CLDN16: variants seen among roughly 807,000 people sequenced by gnomAD.
The protein encoded by CLDN16 is claudin-16.
Under a neutral mutation model 24.6 loss-of-function variants are expected in CLDN16, and 13 were observed. That is an observed-to-expected ratio of 0.53 (90% CI 0.34 to 0.84). CLDN16 has a LOEUF of 0.84. CLDN16 is among the 40% of genes least tolerant of loss of function. The pLI, the probability that CLDN16 is intolerant of heterozygous loss-of-function variation, is 0.01. For missense variants in CLDN16, 298 were observed against 292.7 expected, an observed-to-expected ratio of 1.02 and a Z score of -0.13; for synonymous variants, 116 against 106.7, an observed-to-expected ratio of 1.09 and a Z score of -0.54.
At chr3:190,363,558 A>ATG (rs1717950176) in intron 1 of CLDN16, among the ~76,000 whole-genome samples, 1 of 75,610 alleles carries the variant, frequency 1.3e-5, no homozygotes, top group African/African-American at 6.0e-5. Flanking sequence ...GTGTGTGTGT[A>ATG]TATATATATA....
intron 1 of CLDN16, among the ~76,000 whole-genome samples, chr3:190,333,277 C>A (rs1717221625): frequency 6.6e-6 from 1 of 152,124 alleles, no homozygotes; most frequent in Admixed American, 6.5e-5. Flanking sequence ...CCACAACTTT[C>A]AGATCAAGGT....
chr3:190,301,735 T>G, the CLDN16 span, among the ~76,000 whole-genome samples: 2 of 152,152 alleles, frequency 1.3e-5, no homozygotes, highest in South Asian at 4.2e-4. Flanking sequence ...GTAAATAATA[T>G]CCAGATTCTA....
chr3:190,381,398 T>C (rs543522883), intron 3 of CLDN16, among the ~76,000 whole-genome samples: 1 of 152,184 alleles, frequency 6.6e-6, no homozygotes, highest in South Asian at 2.1e-4. Context: ...TTCAAATTTA[T>C]CCATGCTCCT....
chr3:190,312,865 C>G, the CLDN16 span: 1 of 1,613,956 alleles, frequency 6.2e-7, no homozygotes, highest in South Asian at 1.1e-5. Flanking sequence ...GGCACAGCCT[C>G]TATTACCTGC....
upstream of CLDN16, among the ~76,000 whole-genome samples, chr3:190,383,182 C>G (rs1354335817): frequency 6.6e-6 from 1 of 151,966 alleles, no homozygotes; most frequent in Non-Finnish European, 1.5e-5. Flanking sequence ...AACAAACAAA[C>G]AAATAAACTT....
chr3:190,371,365 T>C (rs1450257139), intron 2 of CLDN16, among the ~76,000 whole-genome samples: 2 of 151,924 alleles, frequency 1.3e-5, no homozygotes, highest in Admixed American at 1.3e-4. Flanking sequence ...TGATAATTTC[T>C]TTTTAGTTTC....
intron 1 of CLDN16, among the ~76,000 whole-genome samples, chr3:190,400,948 A>G (rs528732504): frequency 2.6e-5 from 4 of 152,328 alleles, no homozygotes; most frequent in African/African-American, 9.6e-5. Flanking sequence ...TCTTGGGGTT[A>G]CTTAACTTTC....
chr3:190,308,140 T>TTTTG, the CLDN16 span: 11 of 1,049,936 alleles, frequency 1.0e-5, no homozygotes, highest in South Asian at 2.6e-5. Context: ...CACATGGGTT[T>TTTTG]TTTGTTTGTT....
At chr3:190,382,844 A>G (rs1399657051) in intron 3 of CLDN16, among the ~76,000 whole-genome samples, 1 of 152,112 alleles carries the variant, frequency 6.6e-6, no homozygotes, top group African/African-American at 2.4e-5. Context: ...GTTGCCAGAT[A>G]GTTGCCGATC....
At chr3:190,336,301 C>T (rs535884802) in intron 1 of CLDN16, among the ~76,000 whole-genome samples, 34 of 152,236 alleles carry the variant, frequency 2.2e-4, no homozygotes, top group African/African-American at 7.5e-4. Context: ...CTCTGGATGC[C>T]ATAATAAGGC....
chr3:190,372,010 C>G (rs1308518778), intron 2 of CLDN16, among the ~76,000 whole-genome samples: 2 of 151,880 alleles, frequency 1.3e-5, no homozygotes, highest in African/African-American at 2.4e-5. Flanking sequence ...ATAAGGGTGT[C>G]TTAGTCTGGC....
At chr3:190,350,526 A>T (rs1717649537) in intron 1 of CLDN16, among the ~76,000 whole-genome samples, 1 of 152,140 alleles carries the variant, frequency 6.6e-6, no homozygotes, top group Admixed American at 6.6e-5. Context: ...AATCAAGAGA[A>T]CATGCAAAGG....
At chr3:190,385,264 C>A (rs898718351), upstream of CLDN16, among the ~76,000 whole-genome samples, 3 of 149,532 alleles carry the variant, frequency 2.0e-5, no homozygotes, top group Non-Finnish European at 3.0e-5. Context: ...GATTGGTGAG[C>A]AGTTTATTCT....
intron 1 of CLDN16, among the ~76,000 whole-genome samples, chr3:190,343,029 C>T (rs78994199): frequency 0.039 from 5,960 of 152,034 alleles, 385 homozygotes; most frequent in African/African-American, 0.13. Flanking sequence ...AGACAACCTA[C>T]GGATTGGAAA....
chr3:190,319,636 C>T (rs1185699922), upstream of CLDN16, among the ~76,000 whole-genome samples: 2 of 152,216 alleles, frequency 1.3e-5, no homozygotes, highest in Non-Finnish European at 2.9e-5. Context: ...GTGTGCTCTA[C>T]TGGGAAAGAC....
chr3:190,373,505 A>G (rs1718184556), intron 2 of CLDN16, among the ~76,000 whole-genome samples: 1 of 152,030 alleles, frequency 6.6e-6, no homozygotes, highest in African/African-American at 2.4e-5. Context: ...ATGCTTTTTT[A>G]ACATAAAGGC....
intron 3 of CLDN16, among the ~76,000 whole-genome samples, chr3:190,376,803 A>T (rs925026467): frequency 1.3e-5 from 2 of 151,954 alleles, no homozygotes; most frequent in African/African-American, 4.8e-5. Flanking sequence ...GAAGAGGTAG[A>T]CTCAGAGAAG....
Position 190,388,181 on chromosome 3 carries a change from G to T in CLDN16, c.-149G>T, listed in dbSNP as rs144731880. 103 of 1,613,930 alleles carry T rather than the reference G, an allele frequency of 6.4e-5. 1 individual carries two copies. In the Middle Eastern group the frequency reaches 9.9e-4, roughly 15 times the overall value. Reference sequence around the variant, plus strand: ...TTGTATTATTCTTACTGCAACTCAAGACACCTGCAGCAGGGCGTGAGAAAA... The same window carrying T: ...TTGTATTATTCTTACTGCAACTCAATACACCTGCAGCAGGGCGTGAGAAAA... On this transcript the variant is annotated 5_prime_UTR_variant, in exon 1 of 5. Transcript: ENST00000264734.
intron 1 of CLDN16, among the ~76,000 whole-genome samples, chr3:190,327,920 G>T (rs949210019): frequency 6.6e-6 from 1 of 152,140 alleles, no homozygotes; most frequent in Non-Finnish European, 1.5e-5. Context: ...CTCACAAGTA[G>T]ATCTTGTTTT....
Sources: gnomAD v4.1 joint callset for allele counts (sites outside exome capture counted in the v4.1 genomes callset) on GRCh38, gnomAD v4.1.1 for gene constraint, MANE v1.5 for transcripts, NCBI Gene and HGNC (gene_info 2026-07-23, HGNC 2026-07-21) for gene names.